Variants in GRIK2 observed in about 807,000 individuals in gnomAD.
The protein encoded by GRIK2 is glutamate receptor ionotropic, kainate 2.
GRIK2 carries 32 observed loss-of-function variants against 100.3 expected under a neutral mutation model. The ratio of observed to expected loss-of-function variants is 0.32; its 90% CI spans 0.24 to 0.43. The LOEUF is 0.43. GRIK2 is among the 20% of genes least tolerant of loss of function. The pLI is 1.00. For missense variants in GRIK2, 843 were observed against 1,114.9 expected, an observed-to-expected ratio of 0.76 and a Z score of 3.47; for synonymous variants, 417 against 389.4, an observed-to-expected ratio of 1.07 and a Z score of -0.83.
At chr6:102,067,303 A>G (rs529740690) in intron 16 of GRIK2, among the ~76,000 whole-genome samples, 158 of 151,832 alleles carry the variant, frequency 1.0e-3, no homozygotes, top group Middle Eastern at 3.4e-3. Flanking sequence ...ATATATTATT[A>G]TTAACTATAG....
At chr6:101,728,001 A>G (rs976111223) in intron 7 of GRIK2, among the ~76,000 whole-genome samples, 12 of 152,090 alleles carry the variant, frequency 7.9e-5, no homozygotes, top group African/African-American at 2.9e-4. Context: ...TCATGTGCAG[A>G]TGATTATGAA....
At chr6:101,770,698 T>G (rs113139977) in intron 7 of GRIK2, among the ~76,000 whole-genome samples, 5 of 152,192 alleles carry the variant, frequency 3.3e-5, no homozygotes, top group African/African-American at 1.2e-4. Flanking sequence ...TTCTTATTAG[T>G]GTTCACAGCA....
chr6:101,876,095 C>T (rs1284504185), intron 11 of GRIK2, among the ~76,000 whole-genome samples: 2 of 151,298 alleles, frequency 1.3e-5, no homozygotes, highest in African/African-American at 2.4e-5. Flanking sequence ...CACATAAAAT[C>T]AGAAGCCTGT....
At chr6:101,891,516 C>CA (rs5878701) in intron 12 of GRIK2, 17,426 of 195,484 alleles carry the variant, frequency 0.089, 79 homozygotes, top group South Asian at 0.12. Flanking sequence ...GACTCCATCT[C>CA]AAAAAAAAAA....
At chr6:101,778,523 T>C (rs1778885998) in intron 7 of GRIK2, among the ~76,000 whole-genome samples, 1 of 152,178 alleles carries the variant, frequency 6.6e-6, no homozygotes. Flanking sequence ...ATAACCGTGC[T>C]TGGTACAACA....
At chr6:101,842,010 G>A (rs557281532) in intron 10 of GRIK2, among the ~76,000 whole-genome samples, 5 of 152,076 alleles carry the variant, frequency 3.3e-5, no homozygotes, top group Non-Finnish European at 5.9e-5. Flanking sequence ...TGCCATAACT[G>A]GAGTGGGGAT....
intron 11 of GRIK2, among the ~76,000 whole-genome samples, chr6:101,882,958 A>G (rs940348766): frequency 3.3e-5 from 5 of 152,084 alleles, no homozygotes; most frequent in Admixed American, 2.6e-4. Flanking sequence ...GTTATTGACT[A>G]TTATTTATCA....
chr6:101,534,195 T>C (rs973967952), intron 2 of GRIK2, among the ~76,000 whole-genome samples: 2 of 151,854 alleles, frequency 1.3e-5, no homozygotes, highest in Non-Finnish European at 2.9e-5. Context: ...CTGCTTTCAG[T>C]AGACAGATCC....
chr6:101,825,102 C>T (rs1658613612), intron 10 of GRIK2, among the ~76,000 whole-genome samples: 1 of 152,122 alleles, frequency 6.6e-6, no homozygotes, highest in Non-Finnish European at 1.5e-5. Context: ...GCTTGGAAAC[C>T]CAGACACTGC....
At chr6:101,654,823 C>A (rs548316269) in intron 4 of GRIK2, among the ~76,000 whole-genome samples, 27 of 152,266 alleles carry the variant, frequency 1.8e-4, no homozygotes, top group Non-Finnish European at 2.9e-4. Flanking sequence ...ACTCTCCTAT[C>A]CACCTCTGCT....
In GRIK2 at chr6:102,070,024, G is replaced by A. The variant is rs1467417043; in HGVS notation, c.*1513G>A. The A allele has an allele frequency of 1.3e-5, 2 of 151,890 alleles. No individual in the cohort carries two copies. Among genetic ancestry groups the A allele is most frequent in the African/African-American group, 2.4e-5 (1 of 41,384 alleles). The allele number at this position is 151,890 out of a possible 1,614,324, so 9.4% of individuals were successfully genotyped here. ...AACAGTTGAGTGCACACAGTTTGCTGTTTGAATCCAATGCACAAAATTAAA... is the reference window on the plus strand; with the variant it reads ...AACAGTTGAGTGCACACAGTTTGCTATTTGAATCCAATGCACAAAATTAAA... On this transcript the variant is annotated 3_prime_UTR_variant, in exon 17 of 17. Coordinates refer to ENST00000369134, the MANE Select transcript of GRIK2 (RefSeq NM_021956.5).
chr6:102,036,602 A>G (rs1347486812), intron 15 of GRIK2, among the ~76,000 whole-genome samples: 1 of 151,114 alleles, frequency 6.6e-6, no homozygotes, highest in Non-Finnish European at 1.5e-5. Flanking sequence ...AGAGAAAGAG[A>G]AAGAAGAGAG....
intron 14 of GRIK2, among the ~76,000 whole-genome samples, chr6:101,958,253 T>TTGTGTGTG (rs1554292720): frequency 1.2e-4 from 17 of 139,538 alleles, no homozygotes; most frequent in African/African-American, 3.4e-4. Flanking sequence ...TGCTACATAT[T>TTGTGTGTG]TGTGTGTGTG....
At chr6:101,738,370 A>G (rs970569071) in intron 7 of GRIK2, among the ~76,000 whole-genome samples, 6 of 152,174 alleles carry the variant, frequency 3.9e-5, no homozygotes, top group Non-Finnish European at 5.9e-5. Context: ...TTTCAGAAGC[A>G]GCTTAAAGTT....
At chr6:101,640,830 C>T (rs1781246810) in intron 4 of GRIK2, among the ~76,000 whole-genome samples, 1 of 152,010 alleles carries the variant, frequency 6.6e-6, no homozygotes, top group African/African-American at 2.4e-5. Flanking sequence ...CAATCTTGAC[C>T]AATATACAAA....
At chr6:101,779,817 TA>T (rs1445684480) in intron 7 of GRIK2, among the ~76,000 whole-genome samples, 1 of 152,158 alleles carries the variant, frequency 6.6e-6, no homozygotes, top group African/African-American at 2.4e-5. Context: ...ATATAATGTA[TA>T]TAATCCATAT....
chr6:101,508,035 CAATT>C (rs1292818339), intron 2 of GRIK2, among the ~76,000 whole-genome samples: 1 of 151,274 alleles, frequency 6.6e-6, no homozygotes, highest in Non-Finnish European at 1.5e-5. Context: ...GAAATTTAGA[CAATT>C]AGATGGTTGT....
At chr6:101,906,940 C>A (rs2128463899) in intron 12 of GRIK2, among the ~76,000 whole-genome samples, 1 of 151,806 alleles carries the variant, frequency 6.6e-6, no homozygotes, top group African/African-American at 2.4e-5. Flanking sequence ...CAGTTGTGAA[C>A]TTTGTACAAA....
chr6:102,032,320 A>T (rs986027622), intron 14 of GRIK2, among the ~76,000 whole-genome samples: 3 of 151,252 alleles, frequency 2.0e-5, no homozygotes. Flanking sequence ...TACATTTAAA[A>T]GGGACAAATA....
Sources: allele counts gnomAD v4.1 joint callset (sites outside exome capture counted in the v4.1 genomes callset), GRCh38; gene constraint gnomAD v4.1.1; transcripts MANE v1.5; gene names NCBI Gene and HGNC (gene_info 2026-07-23, HGNC 2026-07-21).